USP50: variants seen among roughly 807,000 people sequenced by gnomAD.
USP50 encodes ubiquitin carboxyl-terminal hydrolase 50.
USP50 carries 37 observed loss-of-function variants against 39.2 expected under a neutral mutation model. The ratio of observed to expected loss-of-function variants is 0.94; its 90% CI spans 0.73 to 1.24. The LOEUF (loss-of-function observed/expected upper bound fraction) is 1.24. Among genes scored for constraint, USP50 ranks in the 50% most tolerant of loss-of-function variants. The pLI is 0.00. For missense variants in USP50, 374 were observed against 398.2 expected (o/e 0.94, Z 0.52); for synonymous variants, 139 against 144.5 (o/e 0.96, Z 0.27).
chr15:50,513,799 A>G (rs1030610821), intron 6 of USP50: 2 of 152,240 alleles, frequency 1.3e-5, no homozygotes, highest in Non-Finnish European at 2.9e-5. Flanking sequence ...GGCAACTGAA[A>G]CTTCCAGTCA....
downstream of USP50, chr15:50,493,157 T>A: frequency 3.4e-6 from 2 of 582,510 alleles, no homozygotes; most frequent in South Asian, 3.0e-5. Context: ...GAGGACAGAC[T>A]CGTCCTGTCG....
chr15:50,496,145 T>G (rs1451853644), downstream of USP50: 5 of 1,340,646 alleles, frequency 3.7e-6, no homozygotes, highest in Non-Finnish European at 5.2e-6. Context: ...TTTATGGATA[T>G]AGAGATGTAA....
chr15:50,514,697 T>G (rs2052785953), intron 6 of USP50, among the ~76,000 whole-genome samples: 1 of 151,692 alleles, frequency 6.6e-6, no homozygotes, highest in Non-Finnish European at 1.5e-5. Context: ...CCCAGCTAAT[T>G]TTTTTTATTT....
At chr15:50,504,796 G>A (rs192570442) in intron 6 of USP50, 1 of 149,878 alleles carries the variant, frequency 6.7e-6, no homozygotes, top group Non-Finnish European at 1.5e-5. Flanking sequence ...TGGTACACAT[G>A]GTGAAACCCT....
intron 5 of USP50, among the ~76,000 whole-genome samples, chr15:50,530,920 G>A (rs1465885855): frequency 6.6e-6 from 1 of 151,606 alleles, no homozygotes; most frequent in Non-Finnish European, 1.5e-5. Flanking sequence ...GCAATGTCCT[G>A]TTTTCAAGCT....
downstream of USP50, chr15:50,497,304 T>G: frequency 4.0e-6 from 6 of 1,512,848 alleles, no homozygotes; most frequent in Non-Finnish European, 5.3e-6. Context: ...TAATTTATAC[T>G]TGTTGTACTG....
At position 50,521,199 on chromosome 15, in the gene USP50, G is replaced by A. The variant is rs190120847; in HGVS notation, c.936+8598C>T. On this transcript the variant is annotated intron_variant, in intron 6 of 6. Coordinates refer to ENST00000532404, the MANE Select transcript of USP50 (RefSeq NM_203494.5). The stretch of plus-strand genomic sequence containing the variant: ...TGGGATTACAGGCGCCCGCCACCAA[G>A]CTTGGCAAATTTTTGTATTTTTAGT... Among the ~76,000 whole-genome samples, 182 of 152,174 alleles carry A rather than the reference G, an allele frequency of 1.2e-3. 1 individual carries two copies. The highest frequency in any genetic ancestry group is 6.0e-4 in the Non-Finnish European group (41 of 68,000).
intron 5 of USP50, among the ~76,000 whole-genome samples, chr15:50,536,365 G>T (rs2052980195): frequency 6.6e-6 from 1 of 152,176 alleles, no homozygotes. Flanking sequence ...ATATGGCTGG[G>T]CATGGTGGCT....
intron 6 of USP50, among the ~76,000 whole-genome samples, chr15:50,525,834 T>C (rs1002798134): frequency 4.0e-5 from 6 of 151,440 alleles, no homozygotes; most frequent in African/African-American, 1.5e-4. Context: ...GCTAATGTAT[T>C]GATGGATTAA....
chr15:50,534,909 G>C (rs1302482546), intron 5 of USP50, among the ~76,000 whole-genome samples: 2 of 152,182 alleles, frequency 1.3e-5, no homozygotes, highest in Non-Finnish European at 2.9e-5. Context: ...GGGAGGCCGA[G>C]GTGGGCGGGC....
At chr15:50,520,575 C>G (rs557055447) in intron 6 of USP50, among the ~76,000 whole-genome samples, 2 of 152,132 alleles carry the variant, frequency 1.3e-5, no homozygotes, top group Admixed American at 6.5e-5. Context: ...GCTGGGATTA[C>G]AGGTGTGAGC....
chr15:50,523,335 A>T (rs567244086), intron 6 of USP50, among the ~76,000 whole-genome samples: 224 of 147,238 alleles, frequency 1.5e-3, no homozygotes, highest in Non-Finnish European at 2.3e-3. Context: ...ATACTTGGCT[A>T]TTTTTTTTTT....
rs576813866 is a variant in USP50, at chr15:50,546,350, G to A, written c.53+123C>T. On this transcript the variant is annotated intron_variant, in intron 1 of 6. Transcript: ENST00000532404. ...AGGTACAATCTTCCTTCCTTTCCGG[G>A]GACCTTCCATGGGTCACACCTGGGA... 45 of 961,112 alleles carry A rather than the reference G, an allele frequency of 4.7e-5. No homozygotes were observed. The South Asian group carries it at 5.9e-4, about 13-fold the overall frequency. 59.5% of individuals were successfully genotyped at this position (961,112 alleles called of 1,614,324 possible).
chr15:50,513,147 T>A (rs1389928486), intron 6 of USP50: 1 of 152,194 alleles, frequency 6.6e-6, no homozygotes, highest in Non-Finnish European at 1.5e-5. Context: ...TGTATTGGTA[T>A]AATCACTTGT....
Position 50,538,871 on chromosome 15 carries a change from T to C in USP50, c.661-20A>G. On this transcript the variant is annotated intron_variant, in intron 4 of 6. Coordinates refer to ENST00000532404, the MANE Select transcript of USP50 (RefSeq NM_203494.5). ...ACAGTCCTGTTAAGGAAAAAAAGGA[T>C]TTGGTGACCAAATTGGATCAACTGC... 6.3e-7 allele frequency: 1 copy of C among 1,583,200 alleles called. No homozygotes were observed. Among genetic ancestry groups the C allele is most frequent in the Non-Finnish European group, 8.6e-7 (1 of 1,166,304 alleles).
chr15:50,503,981 T>C (rs2052624754), intron 6 of USP50: 1 of 152,082 alleles, frequency 6.6e-6, no homozygotes, highest in Non-Finnish European at 1.5e-5. Flanking sequence ...GAAACAAACT[T>C]TAGAAACTAA....
intron 6 of USP50, among the ~76,000 whole-genome samples, chr15:50,515,048 T>G (rs962321718): frequency 6.7e-6 from 1 of 149,110 alleles, no homozygotes; most frequent in Non-Finnish European, 1.5e-5. Flanking sequence ...AATAGAAATC[T>G]TGACTAGACC....
At chr15:50,498,461 C>T, downstream of USP50, 1 of 1,174,304 alleles carries the variant, frequency 8.5e-7, no homozygotes, top group Non-Finnish European at 1.2e-6. Context: ...TAACAGGTTC[C>T]TCTACTACTA....
At chr15:50,494,237 T>C in intron 1 of USP50, 1 of 1,613,010 alleles carries the variant, frequency 6.2e-7, no homozygotes, top group Non-Finnish European at 8.5e-7. Flanking sequence ...TCACAAGAAT[T>C]GCTTCTGTTC....
Sources: gnomAD v4.1 joint callset for allele counts (sites outside exome capture counted in the v4.1 genomes callset) on GRCh38, gnomAD v4.1.1 for gene constraint, MANE v1.5 for transcripts, NCBI Gene and HGNC (gene_info 2026-07-23, HGNC 2026-07-21) for gene names.